Variants in GOLM2 observed in about 807,000 individuals in gnomAD.
The protein encoded by GOLM2 is protein GOLM2.
GOLM2 carries 26 observed loss-of-function variants against 55.9 expected under a neutral mutation model. That is an observed-to-expected ratio of 0.47 (90% CI 0.34 to 0.65). GOLM2 has a LOEUF of 0.65. Among genes scored for constraint, GOLM2 ranks in the 30% least tolerant of loss-of-function variants. The pLI is 0.01. For missense variants in GOLM2, 486 were observed against 531.8 expected (o/e 0.91, Z 0.85); for synonymous variants, 165 against 194.6 (o/e 0.85, Z 1.27).
chr15:44,379,371 G>C lies in GOLM2; in HGVS notation c.803-319G>C, dbSNP rs1270074211. 3.9e-5 allele frequency among the ~76,000 whole-genome samples: 6 copies of C among 152,006 alleles called. No individual in the cohort carries two copies. The South Asian group carries it at 1.2e-3, about 31-fold the overall frequency. ...GAGCGCCTATAATCCTAGCTATTAC[G>C]GAGGCTGAGGCAGGGAGAATCGCTG... On this transcript the variant is annotated intron_variant, in intron 6 of 9. Transcript: ENST00000299957.
intron 2 of GOLM2, among the ~76,000 whole-genome samples, chr15:44,325,043 CA>C (rs1439264863): frequency 6.6e-6 from 1 of 152,098 alleles, no homozygotes; most frequent in East Asian, 1.9e-4. Context: ...TATTTAAGTT[CA>C]GGGGTACATG....
intron 8 of GOLM2, among the ~76,000 whole-genome samples, chr15:44,397,341 T>C (rs2079533104): frequency 1.3e-5 from 2 of 151,462 alleles, no homozygotes; most frequent in Admixed American, 1.3e-4. Flanking sequence ...TAGCCGGGCT[T>C]GGTGGTGGGC....
chr15:44,327,935 C>T lies in GOLM2; in HGVS notation c.383-750C>T, dbSNP rs191217048. On this transcript the variant is annotated intron_variant, in intron 2 of 9. Transcript: ENST00000299957. Reference sequence around the variant, plus strand: ...TGTAGAGCTACCATCCATAGCCGAACTAGAAATGTATCTAAAGTGATTGGC... The same window carrying T: ...TGTAGAGCTACCATCCATAGCCGAATTAGAAATGTATCTAAAGTGATTGGC... 1.3e-3 allele frequency among the ~76,000 whole-genome samples: 199 copies of T among 152,284 alleles called. 1 individual carries two copies. Among genetic ancestry groups the T allele is most frequent in the African/African-American group, 4.6e-3 (190 of 41,558 alleles).
chr15:44,412,369 A>G (rs910654215), intron 9 of GOLM2, among the ~76,000 whole-genome samples: 1 of 152,180 alleles, frequency 6.6e-6, no homozygotes, highest in Non-Finnish European at 1.5e-5. Context: ...CACTATTTGG[A>G]GTAATTTAAT....
chr15:44,366,296 C>CAAAAA (rs34413737), intron 6 of GOLM2, among the ~76,000 whole-genome samples: 12 of 55,390 alleles, frequency 2.2e-4, no homozygotes, highest in Admixed American at 9.4e-4. Flanking sequence ...GACTCCGTCT[C>CAAAAA]AAAAAAAAAA....
At chr15:44,353,132 A>G (rs1341788334) in intron 6 of GOLM2, among the ~76,000 whole-genome samples, 1 of 152,240 alleles carries the variant, frequency 6.6e-6, no homozygotes, top group Non-Finnish European at 1.5e-5. Context: ...GATATATGAA[A>G]AAGTGCTCAA....
At position 44,413,368 on chromosome 15, in the gene GOLM2, G is replaced by A. The variant is rs1249812729; in HGVS notation, c.1273G>A (p.Ala425Thr). Residue 425 changes from alanine to threonine, a missense_variant, in exon 10 of 10, where the codon GCA becomes ACA. Physicochemically the swap from Ala to Thr is moderately conservative, Grantham distance 58 (BLOSUM62 0). Transcript: ENST00000299957. ...DEERELQMDPADYGKQHFNDV... is the reference protein window; with the variant it reads ...DEERELQMDPTDYGKQHFNDV... ...AGAACGAGAGCTTCAAATGGATCCT[G>A]CAGACTATGGAAAGCAACATTTCAA... 6.2e-6 allele frequency: 10 copies of A among 1,610,936 alleles called. No individual in the cohort carries two copies. The highest frequency in any genetic ancestry group is 8.5e-6 in the Non-Finnish European group (10 of 1,179,176).
chr15:44,321,485 G>GC lies in GOLM2; in HGVS notation c.328-1480_328-1479insC, dbSNP rs1216356947. On this transcript the variant is annotated intron_variant, in intron 1 of 9. Transcript: ENST00000299957. ...CATGTCTCAAAAAAAAAAAAAAAAA[G>GC]GGGGGGTGGGGGGATAGCATGAGGG... Among the ~76,000 whole-genome samples, 595 of 91,310 alleles carry GC rather than the reference G, an allele frequency of 6.5e-3. 4 individuals carry two copies. The highest frequency in any genetic ancestry group is 0.027 in the African/African-American group (566 of 20,880). The allele number at this position is 91,310 out of a possible 152,430, so 59.9% of individuals were successfully genotyped here. A position where few individuals can be genotyped will look rare whatever the true frequency, so the allele number is the denominator to read the frequency against.
intron 9 of GOLM2, among the ~76,000 whole-genome samples, chr15:44,407,327 A>G (rs2079604375): frequency 6.7e-6 from 1 of 149,060 alleles, no homozygotes; most frequent in Non-Finnish European, 1.5e-5. Flanking sequence ...GTGCAGTGGC[A>G]TGATCATGGC....
intron 6 of GOLM2, among the ~76,000 whole-genome samples, chr15:44,370,258 A>G (rs914012164): frequency 4.6e-5 from 7 of 152,166 alleles, no homozygotes; most frequent in African/African-American, 1.7e-4. Flanking sequence ...TTGACACTCA[A>G]TACTAACCAT....
At chr15:44,341,360 G>A (rs986105059) in intron 6 of GOLM2, among the ~76,000 whole-genome samples, 6 of 151,932 alleles carry the variant, frequency 3.9e-5, no homozygotes, top group Admixed American at 1.3e-4. Context: ...GATTACAGGC[G>A]TGAGCCACCA....
chr15:44,351,370 A>G (rs1052851767), intron 6 of GOLM2, among the ~76,000 whole-genome samples: 3 of 151,846 alleles, frequency 2.0e-5, no homozygotes, highest in African/African-American at 7.3e-5. Flanking sequence ...AGGTCAGGAG[A>G]TAGAGACCAT....
At chr15:44,339,513 A>T (rs1050810370) in intron 6 of GOLM2, among the ~76,000 whole-genome samples, 6 of 151,096 alleles carry the variant, frequency 4.0e-5, no homozygotes, top group African/African-American at 1.5e-4. Flanking sequence ...TAATTTTTGT[A>T]TTTTCAGTAG....
intron 6 of GOLM2, among the ~76,000 whole-genome samples, chr15:44,369,716 A>ACACACACACACG (rs1430014670): frequency 1.3e-5 from 2 of 151,058 alleles, no homozygotes; most frequent in African/African-American, 4.9e-5. Flanking sequence ...ACACACACAC[A>ACACACACACACG]CACACACATA....
chr15:44,344,289 A>G lies in GOLM2; in HGVS notation c.802+5972A>G, dbSNP rs765892309. Among the ~76,000 whole-genome samples the G allele has an allele frequency of 4.8e-3, 596 of 123,698 alleles. 3 individuals are homozygous for G. The highest frequency in any genetic ancestry group is 9.9e-3 in the South Asian group (45 of 4,552). The allele number at this position is 123,698 out of a possible 152,430, so 81.2% of individuals were successfully genotyped here. The stretch of plus-strand genomic sequence containing the variant: ...AAAAAAAAAATGTATATGTGTGTGT[A>G]TATATATATATATATATATATACCT... On this transcript the variant is annotated intron_variant, in intron 6 of 9. Transcript: ENST00000299957.
chr15:44,316,668 T>A lies in GOLM2; in HGVS notation c.328-6297T>A, dbSNP rs534227347. Among the ~76,000 whole-genome samples the A allele has an allele frequency of 1.2e-4, 18 of 149,006 alleles. 1 individual carries two copies. The South Asian group carries it at 3.8e-3, about 31-fold the overall frequency. ...TGCCCAGGAGGCTGAGGCAGGAGAA[T>A]GGCATGAACCCGGGAGGTGGAGGTT... On this transcript the variant is annotated intron_variant, in intron 1 of 9. Transcript: ENST00000299957.
chr15:44,397,510 A>G (rs200336370), intron 8 of GOLM2, among the ~76,000 whole-genome samples: 38 of 135,060 alleles, frequency 2.8e-4, no homozygotes, highest in South Asian at 2.0e-3. Context: ...AAACAAAACC[A>G]CACACACACA....
intron 1 of GOLM2, among the ~76,000 whole-genome samples, chr15:44,316,517 A>G (rs966960026): frequency 6.6e-6 from 1 of 152,146 alleles, no homozygotes; most frequent in Non-Finnish European, 1.5e-5. Context: ...GCACTTTGGG[A>G]GGCCGAGGCA....
rs3784564 is a variant in GOLM2 at position 44,322,889 on chromosome 15, T to G, written c.328-76T>G. The G allele has an allele frequency of 5.2e-4, 518 of 996,558 alleles. 5 individuals are homozygous for G. In the East Asian group the frequency reaches 0.012, roughly 23 times the overall value. 61.7% of individuals were successfully genotyped at this position (996,558 alleles called of 1,614,324 possible). The stretch of plus-strand genomic sequence containing the variant: ...TTTTTGTTTGCATTTATGATCAAGC[T>G]CAAAGTGAATATGAACCAAAAAAAT... On this transcript the variant is annotated intron_variant, in intron 1 of 9. Transcript: ENST00000299957.
Sources: gnomAD v4.1 joint callset for allele counts (sites outside exome capture counted in the v4.1 genomes callset) on GRCh38, gnomAD v4.1.1 for gene constraint, MANE v1.5 for transcripts, NCBI Gene and HGNC (gene_info 2026-07-23, HGNC 2026-07-21) for gene names.